GPR158: variants seen among roughly 807,000 people sequenced by gnomAD.
GPR158 encodes the protein metabotropic glycine receptor.
Under a neutral mutation model 78.2 loss-of-function variants are expected in GPR158, and 30 were observed. The observed-to-expected ratio is 0.38, with a 90% CI of 0.29 to 0.52. The LOEUF is 0.52. Among genes scored for constraint, GPR158 ranks in the 20% least tolerant of loss-of-function variants. The pLI is 0.83. For missense variants in GPR158, 1,463 were observed against 1,523.5 expected, an observed-to-expected ratio of 0.96 and a Z score of 0.66; for synonymous variants, 581 against 591.1, an observed-to-expected ratio of 0.98 and a Z score of 0.25.
chr10:25,434,019 C>T (rs1313124279), intron 4 of GPR158, among the ~76,000 whole-genome samples: 1 of 152,008 alleles, frequency 6.6e-6, no homozygotes, highest in African/African-American at 2.4e-5. Context: ...ATTAGCCGTG[C>T]ATGGTGAAGG....
chr10:25,383,944 T>C (rs565478690), intron 2 of GPR158, among the ~76,000 whole-genome samples: 1 of 152,340 alleles, frequency 6.6e-6, no homozygotes, highest in South Asian at 2.1e-4. Flanking sequence ...CAAGTTACTT[T>C]AGCAGTTTGT....
intron 2 of GPR158, among the ~76,000 whole-genome samples, chr10:25,357,939 G>A (rs996466104): frequency 6.6e-6 from 1 of 152,086 alleles, no homozygotes; most frequent in African/African-American, 2.4e-5. Flanking sequence ...AGCTGGGAGG[G>A]AGGCTATACC....
intron 5 of GPR158, among the ~76,000 whole-genome samples, chr10:25,485,044 GT>G (rs1477700480): frequency 6.6e-6 from 1 of 151,742 alleles, no homozygotes; most frequent in Non-Finnish European, 1.5e-5. Context: ...GGTCTTATAG[GT>G]GAACAATCTG....
chr10:25,405,080 C>T lies in GPR158; in HGVS notation c.1112-7170C>T, dbSNP rs184912216. ...AATCAAAATTGGAGAACATTGCAAT[C>T]GCTATGAAAGAACCTTAATTTATGT... On this transcript the variant is annotated intron_variant, in intron 3 of 10. Transcript: ENST00000376351. 1.0e-3 allele frequency among the ~76,000 whole-genome samples: 159 copies of T among 152,070 alleles called. 1 individual carries two copies. Among genetic ancestry groups the T allele is most frequent in the African/African-American group, 3.6e-3 (151 of 41,504 alleles).
chr10:25,211,936 T>G (rs865821408), intron 1 of GPR158, among the ~76,000 whole-genome samples: 1 of 152,184 alleles, frequency 6.6e-6, no homozygotes, highest in African/African-American at 2.4e-5. Context: ...CTGCCACAAT[T>G]GGGTAGTATG....
chr10:25,253,130 C>G (rs1238734345), intron 2 of GPR158, among the ~76,000 whole-genome samples: 2 of 152,244 alleles, frequency 1.3e-5, no homozygotes, highest in East Asian at 1.9e-4. Flanking sequence ...TCCCTGACCC[C>G]TTGCGCTTCC....
At chr10:25,235,028 A>G (rs957457393) in intron 2 of GPR158, among the ~76,000 whole-genome samples, 2 of 152,220 alleles carry the variant, frequency 1.3e-5, no homozygotes, top group Non-Finnish European at 2.9e-5. Flanking sequence ...GGTTCTCTTT[A>G]AATAGGTAAA....
At chr10:25,388,125 T>C (rs1289393698) in intron 2 of GPR158, among the ~76,000 whole-genome samples, 1 of 152,222 alleles carries the variant, frequency 6.6e-6, no homozygotes, top group African/African-American at 2.4e-5. Flanking sequence ...AGCTGTCTTT[T>C]GTAAATCTCT....
At chr10:25,434,092 G>T (rs1834962797) in intron 4 of GPR158, among the ~76,000 whole-genome samples, 1 of 152,084 alleles carries the variant, frequency 6.6e-6, no homozygotes. Flanking sequence ...AACCCTGGAG[G>T]TGGAGCTTGC....
intron 2 of GPR158, among the ~76,000 whole-genome samples, chr10:25,391,924 G>A (rs781407550): frequency 6.6e-6 from 1 of 152,052 alleles, no homozygotes; most frequent in Non-Finnish European, 1.5e-5. Flanking sequence ...AATCATGGGG[G>A]TGAGTTTTTC....
At position 25,324,606 on chromosome 10, in the gene GPR158, G is replaced by A. The variant is rs376178369; in HGVS notation, c.1009-71305G>A. On this transcript the variant is annotated intron_variant, in intron 2 of 10. Coordinates refer to ENST00000376351, the MANE Select transcript of GPR158 (RefSeq NM_020752.3). Reference sequence around the variant, plus strand: ...AATTACCAAAATGTGACACACAGACGCAAAGTGATCACCTGCTGTTGGAAA... The same window carrying A: ...AATTACCAAAATGTGACACACAGACACAAAGTGATCACCTGCTGTTGGAAA... Among the ~76,000 whole-genome samples the A allele has an allele frequency of 1.1e-4, 16 of 152,138 alleles. No individual in the cohort carries two copies. The South Asian group carries it at 2.1e-3, about 20-fold the overall frequency.
chr10:25,243,688 C>CT (rs1475788916), intron 2 of GPR158, among the ~76,000 whole-genome samples: 1 of 152,162 alleles, frequency 6.6e-6, no homozygotes, highest in Non-Finnish European at 1.5e-5. Context: ...TGTCTCCAAT[C>CT]TTTTATATTG....
chr10:25,342,082 G>T (rs140905373), intron 2 of GPR158, among the ~76,000 whole-genome samples: 1 of 151,808 alleles, frequency 6.6e-6, no homozygotes, highest in African/African-American at 2.4e-5. Flanking sequence ...TAACATACAC[G>T]CTTGCCTGAT....
intron 6 of GPR158, among the ~76,000 whole-genome samples, chr10:25,567,592 G>T (rs1195732531): frequency 6.6e-6 from 1 of 152,140 alleles, no homozygotes; most frequent in African/African-American, 2.4e-5. Flanking sequence ...ATAGGTGGGA[G>T]GAGGGATGGT....
chr10:25,301,299 A>G (rs1451455492), intron 2 of GPR158, among the ~76,000 whole-genome samples: 3 of 152,186 alleles, frequency 2.0e-5, no homozygotes, highest in African/African-American at 7.2e-5. Flanking sequence ...ATACCTTTTA[A>G]GATCCTAGCT....
chr10:25,541,455 ATGTT>A (rs1356491789), intron 5 of GPR158, among the ~76,000 whole-genome samples: 1 of 151,960 alleles, frequency 6.6e-6, no homozygotes, highest in Non-Finnish European at 1.5e-5. Context: ...ATTTTTAGTT[ATGTT>A]TAAGAAATTA....
chr10:25,449,745 A>C (rs1016075279), intron 4 of GPR158, among the ~76,000 whole-genome samples: 1 of 152,194 alleles, frequency 6.6e-6, no homozygotes, highest in Non-Finnish European at 1.5e-5. Context: ...TTCTCACCAC[A>C]AAAAATGTAT....
intron 2 of GPR158, among the ~76,000 whole-genome samples, chr10:25,346,245 G>C (rs1012821278): frequency 4.0e-5 from 6 of 148,422 alleles, no homozygotes; most frequent in Non-Finnish European, 9.0e-5. Flanking sequence ...GAACAAAGAA[G>C]TATTTTGCTG....
intron 2 of GPR158, among the ~76,000 whole-genome samples, chr10:25,287,549 A>G (rs529494638): frequency 2.6e-5 from 4 of 152,216 alleles, no homozygotes; most frequent in Non-Finnish European, 5.9e-5. Flanking sequence ...TCTCCCTTTT[A>G]TATGTGGCTC....
Sources: allele counts gnomAD v4.1 joint callset (sites outside exome capture counted in the v4.1 genomes callset), GRCh38; gene constraint gnomAD v4.1.1; transcripts MANE v1.5; gene names NCBI Gene and HGNC (gene_info 2026-07-23, HGNC 2026-07-21).